TENT2: variants seen among roughly 807,000 people sequenced by gnomAD.
TENT2 encodes the protein poly(A) RNA polymerase GLD2.
In TENT2, 44 loss-of-function variants were observed where a neutral mutation model predicts 72.2. The observed-to-expected ratio is 0.61, with a 90% confidence interval of 0.48 to 0.78. TENT2 has a LOEUF of 0.78. TENT2 is among the 30% of genes least tolerant of loss of function. The pLI is 0.00. For synonymous variants in TENT2, 212 were observed against 192.5 expected (o/e 1.10, Z -0.84); for missense variants, 541 against 569.6 (o/e 0.95, Z 0.51).
chr5:79,680,709 G>A (rs906743727), intron 13 of TENT2, among the ~76,000 whole-genome samples: 30 of 151,878 alleles, frequency 2.0e-4, no homozygotes, highest in Admixed American at 5.9e-4. Flanking sequence ...CCAGTCTTTC[G>A]CTTTCAGCTT....
Position 79,674,158 on chromosome 5 carries a change from C to T in TENT2, c.1208+5130C>T, listed in dbSNP as rs185078554. Among the ~76,000 whole-genome samples, 79 of 152,194 alleles carry T rather than the reference C, an allele frequency of 5.2e-4. 1 individual carries two copies. The East Asian group carries it at 0.014, about 28-fold the overall frequency. On this transcript the variant is annotated intron_variant, in intron 12 of 14. Coordinates refer to ENST00000453514, the MANE Select transcript of TENT2 (RefSeq NM_001114394.3). ...CAGCACTTTGGGAGGTCGAGGCAGG[C>T]AGATCATGAGGTCAGGAGTTGGAGA...
intron 8 of TENT2, among the ~76,000 whole-genome samples, chr5:79,646,671 A>T (rs1001637411): frequency 6.6e-6 from 1 of 152,150 alleles, no homozygotes; most frequent in Non-Finnish European, 1.5e-5. Context: ...TTAGCTAATT[A>T]TAAGTTTTTA....
At chr5:79,619,908 A>T in intron 2 of TENT2, 86 bp from the exon 3 acceptor site, 1 of 1,450,268 alleles carries the variant, frequency 6.9e-7, no homozygotes, top group South Asian at 1.3e-5. Context: ...TTTGATACGG[A>T]TGTATTTAAT....
intron 12 of TENT2, among the ~76,000 whole-genome samples, chr5:79,671,923 C>T (rs1282978670): frequency 2.6e-5 from 4 of 151,770 alleles, no homozygotes; most frequent in African/African-American, 7.3e-5. Context: ...GGCAACATGG[C>T]AAAACCCCCT....
At chr5:79,626,222 A>T (rs1769685618) in intron 4 of TENT2, among the ~76,000 whole-genome samples, 1 of 151,812 alleles carries the variant, frequency 6.6e-6, no homozygotes, top group Non-Finnish European at 1.5e-5. Context: ...TGCAGCCTTA[A>T]ACTCATAGGT....
chr5:79,624,859 C>T (rs1008676416), intron 4 of TENT2, among the ~76,000 whole-genome samples: 1 of 152,170 alleles, frequency 6.6e-6, no homozygotes, highest in Non-Finnish European at 1.5e-5. Flanking sequence ...AATAGTGCAG[C>T]TATAAATATC....
At chr5:79,668,769 A>G (rs976307338) in intron 11 of TENT2, 123 bp from the exon 12 acceptor site, 4 of 1,200,930 alleles carry the variant, frequency 3.3e-6, no homozygotes, top group East Asian at 4.7e-5. Flanking sequence ...CAGGTTTCCA[A>G]ATTGCCAAAT....
intron 14 of TENT2, 138 bp downstream of exon 14, chr5:79,682,199 T>A: frequency 2.0e-6 from 1 of 506,606 alleles, no homozygotes; most frequent in South Asian, 4.5e-5. Context: ...AACTTATTAT[T>A]TGAATTTAGT....
At chr5:79,623,588 CT>C in intron 4 of TENT2, 99 bp downstream of exon 4, 20 of 808,538 alleles carry the variant, frequency 2.5e-5, no homozygotes, top group South Asian at 7.3e-5. Flanking sequence ...TAGAACGTGC[CT>C]TTTTTTGTTG....
intron 1 of TENT2, chr5:79,617,393 A>T (rs1761116213): frequency 6.6e-6 from 1 of 151,876 alleles, no homozygotes; most frequent in Non-Finnish European, 1.5e-5. Context: ...TTACCTATTG[A>T]GTGTTTTTTT....
intron 8 of TENT2, among the ~76,000 whole-genome samples, chr5:79,646,409 A>G (rs1789044808): frequency 1.3e-5 from 2 of 152,160 alleles, no homozygotes; most frequent in Non-Finnish European, 2.9e-5. Flanking sequence ...CCCTGTGCTT[A>G]CCCTAGGAGC....
chr5:79,636,700 C>G (rs1780389666), intron 4 of TENT2, among the ~76,000 whole-genome samples: 2 of 152,052 alleles, frequency 1.3e-5, no homozygotes, highest in South Asian at 4.1e-4. Context: ...AATTGACATC[C>G]TTGACAATAG....
At chr5:79,620,273 T>G (rs1453650453) in intron 3 of TENT2, among the ~76,000 whole-genome samples, 190 bp downstream of exon 3, 2 of 152,232 alleles carry the variant, frequency 1.3e-5, no homozygotes, top group Non-Finnish European at 2.9e-5. Flanking sequence ...TTTTGTTGAT[T>G]TGTTCCTGCT....
At chr5:79,660,995 GA>G (rs890810282) in intron 11 of TENT2, among the ~76,000 whole-genome samples, 11 of 148,120 alleles carry the variant, frequency 7.4e-5, no homozygotes, top group African/African-American at 2.2e-4. Flanking sequence ...AGTTTAAAAG[GA>G]AAAAAAAAAT....
At chr5:79,678,070 T>C (rs1365441641) in intron 12 of TENT2, among the ~76,000 whole-genome samples, 1 of 152,242 alleles carries the variant, frequency 6.6e-6, no homozygotes, top group South Asian at 2.1e-4. Flanking sequence ...AACATTTTCC[T>C]GTAACCAATA....
In TENT2 at chr5:79,681,966, G is replaced by A. The variant is rs1454412753; in HGVS notation, c.1301-16G>A. On this transcript the variant is annotated splice_polypyrimidine_tract_variant and intron_variant, in intron 13 of 14. Transcript: ENST00000453514. ...TTTTAATAATTTTTCCTTTACATTT[G>A]CATTTAACATTGCAGAACCTTTTGA... The A allele has an allele frequency of 6.3e-7, 1 of 1,599,128 alleles. No individual in the cohort carries two copies. The highest frequency in any genetic ancestry group is 8.5e-7 in the Non-Finnish European group (1 of 1,172,760).
intron 11 of TENT2, 29 bp downstream of exon 11, chr5:79,657,030 A>G: frequency 7.0e-7 from 1 of 1,435,032 alleles, no homozygotes; most frequent in Non-Finnish European, 9.8e-7. Flanking sequence ...TTATTATAAT[A>G]CATTTTATGT....
intron 12 of TENT2, among the ~76,000 whole-genome samples, chr5:79,678,848 G>A (rs1004530560): frequency 2.0e-5 from 3 of 152,236 alleles, no homozygotes; most frequent in South Asian, 2.1e-4. Context: ...TTGTTACTGC[G>A]TTGTTAACTA....
intron 11 of TENT2, among the ~76,000 whole-genome samples, chr5:79,668,242 ATAT>A (rs1392059242): frequency 4.6e-5 from 7 of 152,032 alleles, no homozygotes; most frequent in African/African-American, 1.7e-4. Context: ...TCTTTTATAA[ATAT>A]TATGGTAAAA....
Sources: allele counts gnomAD v4.1 joint callset (sites outside exome capture counted in the v4.1 genomes callset), GRCh38; gene constraint gnomAD v4.1.1; transcripts MANE v1.5; gene names NCBI Gene and HGNC (gene_info 2026-07-23, HGNC 2026-07-21).